The following EXOC4 variants were observed in gnomAD, a reference collection of about 807,000 sequenced individuals.
EXOC4 encodes exocyst complex component 4.
In EXOC4, 71 loss-of-function variants were observed where a neutral mutation model predicts 107.2. The observed-to-expected ratio is 0.66, with a 90% CI of 0.55 to 0.81. EXOC4 has a LOEUF of 0.81. EXOC4 is among the 30% of genes least tolerant of loss of function. EXOC4 has a pLI of 0.00. For missense variants in EXOC4, 1,108 were observed against 1,189.6 expected (o/e 0.93, Z 1.01); for synonymous variants, 456 against 441.2 (o/e 1.03, Z -0.42).
chr7:134,002,702 G>A (rs1048808826), intron 15 of EXOC4, among the ~76,000 whole-genome samples: 22 of 152,130 alleles, frequency 1.4e-4, no homozygotes, highest in African/African-American at 5.3e-4. Context: ...CAGAAAATAA[G>A]CACATGAGAA....
At chr7:133,515,650 G>A (rs560419232) in intron 9 of EXOC4, among the ~76,000 whole-genome samples, 20 of 152,150 alleles carry the variant, frequency 1.3e-4, no homozygotes, top group Admixed American at 1.0e-3. Context: ...CAAATTTTTT[G>A]TAGTGACAAG....
At chr7:133,394,408 A>G (rs1400217890) in intron 7 of EXOC4, among the ~76,000 whole-genome samples, 1 of 152,116 alleles carries the variant, frequency 6.6e-6, no homozygotes, top group South Asian at 2.1e-4. Flanking sequence ...TTGGTTTGTA[A>G]TTACCTTCTT....
At chr7:133,853,345 A>AC (rs1798277513) in intron 11 of EXOC4, among the ~76,000 whole-genome samples, 4 of 115,488 alleles carry the variant, frequency 3.5e-5, no homozygotes, top group Admixed American at 9.3e-5. Context: ...CTCTCTCTTT[A>AC]ACACACACAC....
intron 17 of EXOC4, among the ~76,000 whole-genome samples, chr7:134,042,767 G>T (rs1028300857): frequency 5.9e-5 from 9 of 152,234 alleles, no homozygotes; most frequent in African/African-American, 1.9e-4. Flanking sequence ...GCCAGGCACG[G>T]TGGCTCATGC....
intron 4 of EXOC4, among the ~76,000 whole-genome samples, chr7:133,316,426 G>A (rs997905651): frequency 1.3e-5 from 2 of 152,110 alleles, no homozygotes; most frequent in African/African-American, 2.4e-5. Flanking sequence ...ATTTGGCTTC[G>A]AGGGGCTCTT....
intron 7 of EXOC4, among the ~76,000 whole-genome samples, chr7:133,387,072 C>T (rs1192794867): frequency 6.6e-6 from 1 of 152,208 alleles, no homozygotes; most frequent in East Asian, 1.9e-4. Flanking sequence ...TTGGGATGCA[C>T]AATTAGAATG....
intron 7 of EXOC4, among the ~76,000 whole-genome samples, chr7:133,452,507 G>A (rs927932733): frequency 1.5e-4 from 23 of 150,044 alleles, no homozygotes; most frequent in African/African-American, 5.7e-4. Context: ...ATCAAGAAGG[G>A]TCACAAGCCA....
intron 10 of EXOC4, among the ~76,000 whole-genome samples, chr7:133,735,249 AAAAG>A (rs1795419024): frequency 1.3e-5 from 2 of 149,822 alleles, no homozygotes; most frequent in African/African-American, 4.9e-5. Context: ...AAAAAAAAAA[AAAAG>A]TTAAAGTACG....
At chr7:133,899,443 T>C (rs1202047891) in intron 12 of EXOC4, among the ~76,000 whole-genome samples, 1 of 152,268 alleles carries the variant, frequency 6.6e-6, no homozygotes, top group African/African-American at 2.4e-5. Context: ...CATTGTTGAA[T>C]AGTTTTCATC....
intron 7 of EXOC4, among the ~76,000 whole-genome samples, chr7:133,462,189 T>C (rs529307710): frequency 4.6e-5 from 7 of 152,312 alleles, no homozygotes; most frequent in African/African-American, 1.7e-4. Flanking sequence ...TGTCTGGCAT[T>C]GATCTAAAGT....
chr7:133,817,695 T>G, intron 11 of EXOC4, 151 bp downstream of exon 11: 1 of 608,496 alleles, frequency 1.6e-6, no homozygotes, highest in Non-Finnish European at 2.8e-6. Context: ...GAAATTTAGA[T>G]TTAATGTAGT....
chr7:133,967,001 G>A (rs886112912), intron 14 of EXOC4, among the ~76,000 whole-genome samples: 2 of 152,118 alleles, frequency 1.3e-5, no homozygotes, highest in African/African-American at 4.8e-5. Flanking sequence ...CTCAATTTCA[G>A]AACTTGTTAT....
intron 17 of EXOC4, among the ~76,000 whole-genome samples, chr7:134,026,506 G>A (rs1480674210): frequency 0.013 from 1 of 80 alleles, no homozygotes; most frequent in Non-Finnish European, 0.024. Flanking sequence ...GGAAGGTTTG[G>A]TTACCAAAGA....
chr7:133,437,230 T>C (rs1797996280), intron 7 of EXOC4, among the ~76,000 whole-genome samples: 1 of 152,208 alleles, frequency 6.6e-6, no homozygotes, highest in African/African-American at 2.4e-5. Context: ...TTTGTGTTAC[T>C]AGAGTTTTTA....
At chr7:133,563,493 C>T (rs546736879) in intron 9 of EXOC4, among the ~76,000 whole-genome samples, 121 of 152,054 alleles carry the variant, frequency 8.0e-4, no homozygotes, top group South Asian at 6.6e-3. Context: ...TTGCTTGTGT[C>T]GAAAAAGTAA....
At chr7:133,908,086 C>T (rs1027943404) in intron 12 of EXOC4, among the ~76,000 whole-genome samples, 2 of 152,200 alleles carry the variant, frequency 1.3e-5, no homozygotes, top group African/African-American at 4.8e-5. Context: ...AGTTGTCCTA[C>T]AAATTCTGTA....
rs766370518 is a variant in EXOC4 at position 133,817,527 on chromosome 7, C to T, written c.1717C>T (p.Gln573Ter). 4 of 1,613,714 alleles carry T rather than the reference C, an allele frequency of 2.5e-6. No individual in the cohort carries two copies. Among genetic ancestry groups the T allele is most frequent in the Non-Finnish European group, 3.4e-6 (4 of 1,179,622 alleles). The change falls in exon 11 of 18, where the codon CAG (glutamine) becomes TAG (stop). Residue 573 changes from glutamine to a stop codon, truncating the protein, a stop_gained. Transcript: ENST00000253861. LOFTEE classifies it high-confidence loss of function. ...NADTMKVLGVQRPLLQSTIIV... is the reference protein window; with the variant it reads ...NADTMKVLGV ...AGACACCATGAAGGTGCTGGGAGTGCAGCGGCCTCTCCTACAGGTAATAAT... is the reference window on the plus strand; with the variant it reads ...AGACACCATGAAGGTGCTGGGAGTGTAGCGGCCTCTCCTACAGGTAATAAT...
chr7:133,641,201 A>T (rs533716165), intron 10 of EXOC4, among the ~76,000 whole-genome samples: 1 of 152,230 alleles, frequency 6.6e-6, no homozygotes, highest in East Asian at 1.9e-4. Flanking sequence ...TTGGGAATTT[A>T]CTTTTATTGA....
At chr7:133,692,734 C>T (rs1794448465) in intron 10 of EXOC4, among the ~76,000 whole-genome samples, 1 of 152,190 alleles carries the variant, frequency 6.6e-6, no homozygotes, top group African/African-American at 2.4e-5. Flanking sequence ...ACGTATCAGT[C>T]TCTGTGTAAA....
Sources: gnomAD v4.1 joint callset for allele counts (sites outside exome capture counted in the v4.1 genomes callset) on GRCh38, gnomAD v4.1.1 for gene constraint, MANE v1.5 for transcripts, NCBI Gene and HGNC (gene_info 2026-07-23, HGNC 2026-07-21) for gene names.